The following PPP1R9B variants were observed in gnomAD, a reference collection of about 807,000 sequenced individuals.
The protein encoded by PPP1R9B is neurabin-2.
Under a neutral mutation model 75.8 loss-of-function variants are expected in PPP1R9B, and 17 were observed. The observed-to-expected ratio is 0.22, with a 90% CI of 0.15 to 0.34. The LOEUF (loss-of-function observed/expected upper bound fraction) is 0.34. Ranked by LOEUF, PPP1R9B falls within the 10% of genes least tolerant of loss-of-function variation. The pLI is 1.00. For missense variants in PPP1R9B, 875 were observed against 1,196.0 expected, an observed-to-expected ratio of 0.73 and a Z score of 3.96; for synonymous variants, 509 against 535.4, an observed-to-expected ratio of 0.95 and a Z score of 0.68.
intron 3 of PPP1R9B, 149 bp from the exon 4 acceptor site, chr17:50,141,522 G>A (rs1912377813): frequency 2.0e-5 from 11 of 543,532 alleles, no homozygotes; most frequent in Non-Finnish European, 3.6e-5. Context: ...AATTAGCTGG[G>A]CATGGTGGCA....
chr17:50,136,531 T>G (rs1912235106), intron 7 of PPP1R9B, among the ~76,000 whole-genome samples: 2 of 152,172 alleles, frequency 1.3e-5, no homozygotes, highest in African/African-American at 4.8e-5. Context: ...GGCAGTGATA[T>G]GTGCCTCCCA....
rs1180676046 is a variant in PPP1R9B, at chr17:50,134,108, G to C, written c.*1223C>G. 1 of 152,658 alleles carries C rather than the reference G, an allele frequency of 6.6e-6. No individual in the cohort carries two copies. Among genetic ancestry groups the C allele is most frequent in the Non-Finnish European group, 1.5e-5 (1 of 68,056 alleles). 9.5% of individuals were successfully genotyped at this position (152,658 alleles called of 1,614,324 possible). A position where few individuals can be genotyped will look rare whatever the true frequency, so the allele number is the denominator to read the frequency against. On this transcript the variant is annotated 3_prime_UTR_variant, in exon 10 of 10. Coordinates refer to ENST00000612501, the MANE Select transcript of PPP1R9B (RefSeq NM_032595.5). ...AAAAAATGAACAAAAACCCAGTTAGGGCAGGGGCATGAAGTGGCAAAATGA... is the reference window on the plus strand; with the variant it reads ...AAAAAATGAACAAAAACCCAGTTAGCGCAGGGGCATGAAGTGGCAAAATGA...
Position 50,150,124 on chromosome 17 carries a change from G to A in PPP1R9B, c.390C>T (p.Pro130=). 7 of 1,411,938 alleles carry A rather than the reference G, an allele frequency of 5.0e-6. No individual in the cohort carries two copies. Among genetic ancestry groups the A allele is most frequent in the Non-Finnish European group, 6.4e-6 (7 of 1,089,238 alleles). The allele number at this position is 1,411,938 out of a possible 1,614,324, so 87.5% of individuals were successfully genotyped here. A position where few individuals can be genotyped will look rare whatever the true frequency, so the allele number is the denominator to read the frequency against. The part of the protein sequence containing the change: ...RVSRFDSKPA[P]SAQPAPPPHP... ...GCGGCGGCGGCGCAGGCTGCGCGGAGGGCGCGGGCTTGGAGTCGAAGCGGC... is the reference window on the plus strand; with the variant it reads ...GCGGCGGCGGCGCAGGCTGCGCGGAAGGCGCGGGCTTGGAGTCGAAGCGGC... Residue 130 remains proline (P), a synonymous_variant, in exon 1 of 10, where the codon CCC becomes CCT. Transcript: ENST00000612501. The surrounding 1 kb of genome is among the most constrained non-coding windows in gnomAD (Gnocchi z 8.7).
In PPP1R9B at chr17:50,141,352, C is replaced by T. The variant is rs1223814628; in HGVS notation, c.1647G>A (p.Leu549=). The T allele has an allele frequency of 1.9e-6, 3 of 1,588,386 alleles. No individual in the cohort carries two copies. The highest frequency in any genetic ancestry group is 2.3e-5 in the South Asian group (2 of 86,680). Residue 549 remains leucine (L), a synonymous_variant, in exon 4 of 10, where the codon CTG becomes CTA. Transcript: ENST00000612501. ...RDGRIQVNDL[L]VEVDGTSLVG... ...CCAGACTTGTTCCATCCACCTCCAC[C>T]AGGAGATCATTCACCTGGATCCTAG...
Position 50,144,965 on chromosome 17 carries a change from G to T in PPP1R9B, c.1504+148C>A. 5.1e-6 allele frequency: 5 copies of T among 978,434 alleles called. No homozygotes were observed. In the African/African-American group the frequency reaches 6.7e-5, roughly 13 times the overall value. The allele number at this position is 978,434 out of a possible 1,614,324, so 60.6% of individuals were successfully genotyped here. A position where few individuals can be genotyped will look rare whatever the true frequency, so the allele number is the denominator to read the frequency against. ...CTCTGGGTGCTGACAAGGGAGGAGC[G>T]GGGAAGGTCACCAAGGGCCTGAGTC... On this transcript the variant is annotated intron_variant, in intron 2 of 9. Coordinates refer to ENST00000612501, the MANE Select transcript of PPP1R9B (RefSeq NM_032595.5).
In PPP1R9B at chr17:50,135,564, G is replaced by A; in HGVS notation, c.2389C>T (p.Leu797Phe). 1 of 1,610,616 alleles carries A rather than the reference G, an allele frequency of 6.2e-7. No homozygotes were observed. Among genetic ancestry groups the A allele is most frequent in the Non-Finnish European group, 8.5e-7 (1 of 1,178,300 alleles). The change falls in exon 9 of 10, where the codon CTC becomes TTC. Residue 797 changes from leucine to phenylalanine, a missense_variant. Transcript: ENST00000612501. ...ELARKEEMDK[L>F]LDKISELEGN... ...CGCCCCAGGCCCACCTTGTCCAGGAGCTTGTCCATCTCCTCCTTTCTGGCC... is the reference window on the plus strand; with the variant it reads ...CGCCCCAGGCCCACCTTGTCCAGGAACTTGTCCATCTCCTCCTTTCTGGCC...
At chr17:50,148,501 C>A (rs1912579777) in intron 1 of PPP1R9B, among the ~76,000 whole-genome samples, 1 of 152,256 alleles carries the variant, frequency 6.6e-6, no homozygotes, top group Non-Finnish European at 1.5e-5. Context: ...AGCTGGCCTG[C>A]AGGGACCCCC....
In PPP1R9B at chr17:50,149,570, G is replaced by A. The variant is rs1279969660; in HGVS notation, c.944C>T (p.Pro315Leu). The A allele has an allele frequency of 9.5e-6, 15 of 1,581,736 alleles. No individual in the cohort carries two copies. The highest frequency in any genetic ancestry group is 1.3e-5 in the Non-Finnish European group (15 of 1,167,672). The change falls in exon 1 of 10, where the codon CCC becomes CTC. Residue 315 changes from proline (P) to leucine (L), a missense_variant. Coordinates refer to ENST00000612501, the MANE Select transcript of PPP1R9B (RefSeq NM_032595.5). This position sits in a 1 kb window ranked among gnomAD's most constrained non-coding sequence, Gnocchi z 7.2. ...ESGESEAESA[P>L]GEVIQAEVTV... is the part of the protein sequence containing the mutation. The stretch of plus-strand genomic sequence containing the variant: ...AACCTCGGCCTGGATCACCTCCCCG[G>A]GCGCCGACTCGGCCTCCGACTCCCC...
In PPP1R9B at chr17:50,135,606, G is replaced by C. The variant is rs1301854510; in HGVS notation, c.2347C>G (p.Leu783Val). ...TTTCTGGCCAGCTCCGACTCCTCCA[G>C]AACCCGACGCTGTGCAGTCTCCTTT... is the stretch of plus-strand genomic sequence containing the variant. ...LKKETAQRRV[L>V]EESELARKEE... is the part of the protein sequence containing the mutation. The change falls in exon 9 of 10, where the codon CTG (leucine) becomes GTG (valine). Residue 783 changes from leucine to valine, a missense_variant. Around this residue, in one of 4 missense-constraint regions of PPP1R9B, gnomAD observed 218 missense variants for 334.6 expected, o/e 0.65. Coordinates refer to ENST00000612501, the MANE Select transcript of PPP1R9B (RefSeq NM_032595.5). The C allele has an allele frequency of 6.2e-7, 1 of 1,611,390 alleles. No homozygotes were observed. The highest frequency in any genetic ancestry group is 8.5e-7 in the Non-Finnish European group (1 of 1,178,772).
At chr17:50,135,726 CT>C in intron 8 of PPP1R9B, 77 bp from the exon 9 acceptor site, 1 of 1,298,954 alleles carries the variant, frequency 7.7e-7, no homozygotes, top group Non-Finnish European at 1.1e-6. Context: ...AGGTCCTCAG[CT>C]TTACCTGGGC....
chr17:50,149,275 G>A lies in PPP1R9B; in HGVS notation c.1239C>T (p.Asp413=). 1 of 1,612,406 alleles carries A rather than the reference G, an allele frequency of 6.2e-7. No homozygotes were observed. The change falls in exon 1 of 10, where the codon GAC becomes GAT. Residue 413 remains aspartate (D), a synonymous_variant. Coordinates refer to ENST00000612501, the MANE Select transcript of PPP1R9B (RefSeq NM_032595.5). The surrounding 1 kb of genome is among the most constrained non-coding windows in gnomAD (Gnocchi z 7.2). ...EDSAGSALEE[D]DEDDEEDGEP... is the part of the protein sequence containing the mutation. ...CCCCATCCTCCTCGTCGTCTTCGTC[G>A]TCCTCCTCCAGGGCACTGCCCGCAG... is the stretch of plus-strand genomic sequence containing the variant.
chr17:50,139,019 T>C lies in PPP1R9B; in HGVS notation c.2073+244A>G, dbSNP rs1394376226. On this transcript the variant is annotated intron_variant, in intron 7 of 9. Coordinates refer to ENST00000612501, the MANE Select transcript of PPP1R9B (RefSeq NM_032595.5). This position sits in a 1 kb window ranked among gnomAD's most constrained non-coding sequence, Gnocchi z 5.0. ...TCCCACAACGATCCTGTGGTGTTGGTGCTATTACGACCTCATTTTATAGAT... is the reference window on the plus strand; with the variant it reads ...TCCCACAACGATCCTGTGGTGTTGGCGCTATTACGACCTCATTTTATAGAT... Among the ~76,000 whole-genome samples, 1 of 152,240 alleles carries C rather than the reference T, an allele frequency of 6.6e-6. No individual in the cohort carries two copies. The highest frequency in any genetic ancestry group is 2.4e-5 in the African/African-American group (1 of 41,462).
chr17:50,136,372 G>A (rs1398567005), intron 7 of PPP1R9B, among the ~76,000 whole-genome samples, 175 bp from the exon 8 acceptor site: 1 of 152,126 alleles, frequency 6.6e-6, no homozygotes. Context: ...AGAGAGGAAA[G>A]AAGTAGAGCT....
chr17:50,150,293 G>T lies in PPP1R9B; in HGVS notation c.221C>A (p.Ala74Glu). 4 of 1,365,428 alleles carry T rather than the reference G, an allele frequency of 2.9e-6. No homozygotes were observed. Among genetic ancestry groups the T allele is most frequent in the Non-Finnish European group, 1.9e-6 (2 of 1,049,518 alleles). The allele number at this position is 1,365,428 out of a possible 1,614,324, so 84.6% of individuals were successfully genotyped here. A position where few individuals can be genotyped will look rare whatever the true frequency, so the allele number is the denominator to read the frequency against. ...MGTTAGPSGE[A>E]GGGAGLAEAP... The stretch of plus-strand genomic sequence containing the variant: ...CTCGGCCAGGCCCGCGCCGCCGCCC[G>T]CCTCGCCCGAGGGCCCCGCCGTCGT... Residue 74 changes from alanine to glutamate, a missense_variant, in exon 1 of 10, where the codon GCG becomes GAG. Ala to Glu is a moderately radical substitution (Grantham distance 107). Around this residue, in one of 4 missense-constraint regions of PPP1R9B, gnomAD observed 145 missense variants for 226.1 expected, o/e 0.64. Transcript: ENST00000612501. The surrounding 1 kb of genome is among the most constrained non-coding windows in gnomAD (Gnocchi z 8.7).
In PPP1R9B at chr17:50,136,123, G is replaced by A. The variant is rs1323508016; in HGVS notation, c.2148C>T (p.Asn716=). 6.2e-7 allele frequency: 1 copy of A among 1,608,586 alleles called. No homozygotes were observed. The highest frequency in any genetic ancestry group is 1.7e-5 in the Admixed American group (1 of 59,990). ...CTTCCAGTTTCTCCATGCGCTCCTT[G>A]TTCTCCTCCACACTCTGCTCCAACT... ...KAQLEQSVEE[N]KERMEKLEGY... Residue 716 remains asparagine, a synonymous_variant, in exon 8 of 10, where the codon AAC becomes AAT. Coordinates refer to ENST00000612501, the MANE Select transcript of PPP1R9B (RefSeq NM_032595.5).
At chr17:50,144,884 G>A (rs1304896371) in intron 2 of PPP1R9B, among the ~76,000 whole-genome samples, 2 of 152,212 alleles carry the variant, frequency 1.3e-5, no homozygotes, top group Non-Finnish European at 2.9e-5. Flanking sequence ...TGCAAATGTG[G>A]TTCCATGACC....
chr17:50,145,342 T>A, intron 1 of PPP1R9B, 97 bp from the exon 2 acceptor site: 1 of 1,478,554 alleles, frequency 6.8e-7, no homozygotes, highest in Non-Finnish European at 9.3e-7. Context: ...ACCCACCCCA[T>A]GCCTCCCCAT....
In PPP1R9B at chr17:50,143,567, A is replaced by C. The variant is rs769487064; in HGVS notation, c.1625+31T>G. 12 of 1,611,822 alleles carry C rather than the reference A, an allele frequency of 7.4e-6. No homozygotes were observed. In the East Asian group the frequency reaches 2.2e-4, roughly 30 times the overall value. On this transcript the variant is annotated intron_variant, in intron 3 of 9. Transcript: ENST00000612501. ...AGGATGGCCGGTCGGAGAGGGAAAA[A>C]GGGTCAGGCGAGACTGGGGAGGATT...
chr17:50,147,640 C>T (rs1267643896), intron 1 of PPP1R9B, among the ~76,000 whole-genome samples: 3 of 152,086 alleles, frequency 2.0e-5, no homozygotes, highest in Admixed American at 6.5e-5. Flanking sequence ...TCGGACTTCT[C>T]GCAAAATTAG....
Sources: gnomAD v4.1 joint callset for allele counts (sites outside exome capture counted in the v4.1 genomes callset) on GRCh38, gnomAD v4.1.1 for gene constraint, gnomAD v4.1.1 regional missense constraint, Gnocchi (gnomAD v3.1) non-coding constraint, MANE v1.5 for transcripts, NCBI Gene and HGNC (gene_info 2026-07-23, HGNC 2026-07-21) for gene names.